SYT2: variants seen among roughly 807,000 people sequenced by gnomAD.
SYT2 encodes synaptotagmin 2, also known as synaptotagmin-2.
A neutral mutation model predicts 39.9 loss-of-function variants in SYT2; 15 were observed. The observed-to-expected ratio is 0.38, with a 90% CI of 0.25 to 0.58. The LOEUF is 0.58. SYT2 is among the 20% of genes least tolerant of loss of function. The pLI is 0.70. For synonymous variants in SYT2, 181 were observed against 204.5 expected, an observed-to-expected ratio of 0.89 and a Z score of 0.98; for missense variants, 389 against 530.3, an observed-to-expected ratio of 0.73 and a Z score of 2.62.
intron 1 of SYT2, among the ~76,000 whole-genome samples, chr1:202,681,908 G>A (rs559838169): frequency 3.3e-5 from 5 of 152,170 alleles, no homozygotes; most frequent in African/African-American, 1.2e-4. Context: ...GCCTCCGTGG[G>A]GATCAGATCC....
chr1:202,642,716 A>G (rs1484626788), intron 1 of SYT2, among the ~76,000 whole-genome samples: 2 of 152,020 alleles, frequency 1.3e-5, no homozygotes, highest in Non-Finnish European at 2.9e-5. Flanking sequence ...CCTCCGGCAC[A>G]CCCCCCTCTG....
rs115917850 is a variant in SYT2, at chr1:202,671,101, C to T, written c.-18+39157G>A. Among the ~76,000 whole-genome samples, 772 of 152,368 alleles carry T rather than the reference C, an allele frequency of 5.1e-3. 9 individuals are homozygous for T. The highest frequency in any genetic ancestry group is 0.018 in the African/African-American group (737 of 41,578). ...TAATGAAGCAGTCAGACCAGCAAAA[C>T]TCCCATCTGCACCAGCCTTCAACCC... On this transcript the variant is annotated intron_variant, in intron 1 of 8. Transcript: ENST00000367268.
At chr1:202,689,763 T>C (rs1262088140) in intron 1 of SYT2, among the ~76,000 whole-genome samples, 4 of 152,018 alleles carry the variant, frequency 2.6e-5, no homozygotes, top group African/African-American at 9.7e-5. Flanking sequence ...TTACCACTAG[T>C]GATTCCTCCT....
intron 1 of SYT2, among the ~76,000 whole-genome samples, chr1:202,622,372 A>G (rs1425779994): frequency 6.6e-6 from 1 of 152,128 alleles, no homozygotes; most frequent in Non-Finnish European, 1.5e-5. Flanking sequence ...CAGTGCATGC[A>G]CACCTCCACT....
chr1:202,666,638 G>A (rs2149107729), intron 1 of SYT2, among the ~76,000 whole-genome samples: 1 of 152,274 alleles, frequency 6.6e-6, no homozygotes, highest in South Asian at 2.1e-4. Context: ...TGCTTACCAT[G>A]GTGAGTCAGA....
chr1:202,604,904 G>A, intron 2 of SYT2: 1 of 370,986 alleles, frequency 2.7e-6, no homozygotes, highest in Non-Finnish European at 4.8e-6. Flanking sequence ...TGGATGCATG[G>A]AAGAATATCA....
intron 1 of SYT2, among the ~76,000 whole-genome samples, chr1:202,657,894 C>T (rs184417436): frequency 1.1e-3 from 174 of 152,268 alleles, no homozygotes; most frequent in Non-Finnish European, 2.0e-3. Flanking sequence ...CTTTGACTGC[C>T]TTGAACAGCT....
At position 202,680,373 on chromosome 1, in the gene SYT2, G is replaced by T. The variant is rs533863768; in HGVS notation, c.-18+29885C>A. ...CTTTCTCTCATACATAGAACCTTTT[G>T]ATGATTAAATTTGCCACTGTTGGCC... On this transcript the variant is annotated intron_variant, in intron 1 of 8. Transcript: ENST00000367268. Among the ~76,000 whole-genome samples the T allele has an allele frequency of 2.6e-5, 4 of 152,258 alleles. No homozygotes were observed. The South Asian group carries it at 8.3e-4, about 32-fold the overall frequency.
intron 1 of SYT2, among the ~76,000 whole-genome samples, chr1:202,621,567 G>C (rs1691203020): frequency 6.6e-6 from 1 of 152,148 alleles, no homozygotes; most frequent in African/African-American, 2.4e-5. Context: ...TTGCTGCCTT[G>C]ACCTCCCAAA....
chr1:202,636,698 CATA>C (rs1301129419), intron 1 of SYT2, among the ~76,000 whole-genome samples: 1 of 152,290 alleles, frequency 6.6e-6, no homozygotes, highest in South Asian at 2.1e-4. Context: ...TCAGAAACAC[CATA>C]ATAACACTCT....
intron 4 of SYT2, among the ~76,000 whole-genome samples, 174 bp from the exon 5 acceptor site, chr1:202,602,719 T>C (rs922183311): frequency 1.1e-4 from 16 of 152,154 alleles, no homozygotes; most frequent in African/African-American, 3.9e-4. Context: ...CCCAAGGAAT[T>C]TGGAATGGCA....
intron 1 of SYT2, among the ~76,000 whole-genome samples, chr1:202,689,077 C>G (rs566638225): frequency 2.0e-5 from 3 of 152,226 alleles, no homozygotes; most frequent in Admixed American, 2.0e-4. Flanking sequence ...TCTCCTGAGA[C>G]CCCTGAATTA....
At chr1:202,642,552 T>C (rs1250575113) in intron 1 of SYT2, among the ~76,000 whole-genome samples, 1 of 152,170 alleles carries the variant, frequency 6.6e-6, no homozygotes. Context: ...GCGAGCCTGC[T>C]TCCTCCAATG....
At chr1:202,598,668 A>G (rs1264552328) in intron 8 of SYT2, among the ~76,000 whole-genome samples, 1 of 152,232 alleles carries the variant, frequency 6.6e-6, no homozygotes, top group African/African-American at 2.4e-5. Context: ...TACCACGTCC[A>G]GATCCCACTC....
At chr1:202,662,251 G>A (rs576914374) in intron 1 of SYT2, among the ~76,000 whole-genome samples, 115 of 152,342 alleles carry the variant, frequency 7.5e-4, no homozygotes, top group African/African-American at 2.6e-3. Context: ...CGGCAGAATT[G>A]GAACCATGCC....
intron 1 of SYT2, among the ~76,000 whole-genome samples, chr1:202,646,765 TAAGGG>T (rs1269664824): frequency 6.6e-6 from 1 of 152,188 alleles, no homozygotes; most frequent in African/African-American, 2.4e-5. Context: ...GCTGAAGGAA[TAAGGG>T]AAGGAGCATC....
At chr1:202,645,617 G>A (rs1260114501) in intron 1 of SYT2, among the ~76,000 whole-genome samples, 2 of 152,218 alleles carry the variant, frequency 1.3e-5, no homozygotes, top group Non-Finnish European at 2.9e-5. Flanking sequence ...ATGCAAAGCT[G>A]CCTCCAGTAA....
intron 1 of SYT2, among the ~76,000 whole-genome samples, chr1:202,622,156 C>T (rs530242162): frequency 1.3e-5 from 2 of 152,344 alleles, no homozygotes; most frequent in Admixed American, 1.3e-4. Context: ...AGCAAGACAC[C>T]TGTCACCGAA....
intron 8 of SYT2, among the ~76,000 whole-genome samples, chr1:202,598,826 G>A (rs1690391510): frequency 6.6e-6 from 1 of 152,178 alleles, no homozygotes; most frequent in African/African-American, 2.4e-5. Flanking sequence ...GACCTAGAGA[G>A]CAGTGGAAGT....
Sources: gnomAD v4.1 joint callset for allele counts (sites outside exome capture counted in the v4.1 genomes callset) on GRCh38, gnomAD v4.1.1 for gene constraint, MANE v1.5 for transcripts, NCBI Gene and HGNC (gene_info 2026-07-23, HGNC 2026-07-21) for gene names.